Variants in NPFFR2 observed in about 807,000 individuals in gnomAD.
NPFFR2 encodes G-protein coupled receptor 74.
In NPFFR2, 15 loss-of-function variants were observed where a neutral mutation model predicts 13.1. The observed-to-expected ratio is 1.15, with a 90% confidence interval of 0.77 to 1.76. The LOEUF is 1.76. Among genes scored for constraint, NPFFR2 ranks in the 40% most tolerant of loss-of-function variants. The pLI, the probability that NPFFR2 is intolerant of heterozygous loss-of-function variation, is 0.00. For synonymous variants in NPFFR2, 190 were observed against 175.7 expected (o/e 1.08, Z -0.65); for missense variants, 572 against 503.5 (o/e 1.14, Z -1.30).
chr4:72,112,115 G>A (rs994553679), intron 1 of NPFFR2, among the ~76,000 whole-genome samples: 4 of 151,990 alleles, frequency 2.6e-5, no homozygotes, highest in Non-Finnish European at 5.9e-5. Flanking sequence ...CAGACTCAAT[G>A]ACTTTATCTA....
At chr4:72,132,001 T>C (rs1578476920) in intron 2 of NPFFR2, among the ~76,000 whole-genome samples, 1 of 152,284 alleles carries the variant, frequency 6.6e-6, no homozygotes, top group African/African-American at 2.4e-5. Flanking sequence ...AGACAAGTTT[T>C]TTTTTAATTT....
At chr4:72,061,599 A>G (rs369438109) in intron 1 of NPFFR2, among the ~76,000 whole-genome samples, 1 of 152,166 alleles carries the variant, frequency 6.6e-6, no homozygotes, top group Non-Finnish European at 1.5e-5. Context: ...TCAATATACT[A>G]TATGATAATG....
chr4:72,084,498 A>G (rs1476628742), intron 1 of NPFFR2, among the ~76,000 whole-genome samples: 1 of 152,214 alleles, frequency 6.6e-6, no homozygotes. Flanking sequence ...CAAAAATTAC[A>G]CATTTTTAAG....
chr4:72,075,998 CACACACACAGAGAGAGAGAGAG>C (rs1370039269), intron 1 of NPFFR2, among the ~76,000 whole-genome samples: 426 of 18,532 alleles, frequency 0.023, 3 homozygotes, highest in East Asian at 0.05. Flanking sequence ...CACACACACA[CACACACACAGAGAGAGAGAGAG>C]GGCAGACAGC....
chr4:72,106,403 G>T (rs1460562590), intron 1 of NPFFR2, among the ~76,000 whole-genome samples: 1 of 152,014 alleles, frequency 6.6e-6, no homozygotes, highest in African/African-American at 2.4e-5. Context: ...CTATAGTGAG[G>T]TGAATTGTCA....
intron 1 of NPFFR2, among the ~76,000 whole-genome samples, chr4:72,086,255 AG>A (rs1157989312): frequency 2.0e-5 from 3 of 152,108 alleles, no homozygotes; most frequent in African/African-American, 7.2e-5. Flanking sequence ...CCATAAAAAA[AG>A]GTTTAGATCC....
intron 1 of NPFFR2, among the ~76,000 whole-genome samples, chr4:72,099,650 A>C (rs570915693): frequency 6.6e-5 from 10 of 152,224 alleles, no homozygotes; most frequent in Admixed American, 3.9e-4. Context: ...GGAAAGCACC[A>C]AGCCATGAAG....
chr4:72,142,708 T>C (rs1036221412), intron 3 of NPFFR2, among the ~76,000 whole-genome samples: 1 of 152,244 alleles, frequency 6.6e-6, no homozygotes, highest in African/African-American at 2.4e-5. Flanking sequence ...CACTACAATA[T>C]AGACGTTTCT....
chr4:72,068,011 A>G (rs572365378), intron 1 of NPFFR2, among the ~76,000 whole-genome samples: 2 of 152,268 alleles, frequency 1.3e-5, no homozygotes, highest in East Asian at 3.9e-4. Context: ...ATTCATGGCA[A>G]TACAGGCTTT....
At chr4:72,082,481 A>G (rs1163589967) in intron 1 of NPFFR2, among the ~76,000 whole-genome samples, 1 of 151,330 alleles carries the variant, frequency 6.6e-6, no homozygotes, top group African/African-American at 2.5e-5. Context: ...ATTTTACTCA[A>G]CTTGTTTTTC....
At chr4:72,079,653 TGA>T in intron 1 of NPFFR2, among the ~76,000 whole-genome samples, 1 of 152,230 alleles carries the variant, frequency 6.6e-6, no homozygotes, top group South Asian at 2.1e-4. Context: ...AAACCAGTAC[TGA>T]GGGAATGAAA....
At chr4:72,057,425 T>G (rs533599200) in intron 1 of NPFFR2, among the ~76,000 whole-genome samples, 1 of 152,018 alleles carries the variant, frequency 6.6e-6, no homozygotes, top group South Asian at 2.1e-4. Flanking sequence ...TCTTCCTTGC[T>G]TCTTCCAGCT....
chr4:72,109,784 T>A (rs1463957272), intron 1 of NPFFR2, among the ~76,000 whole-genome samples: 1 of 151,988 alleles, frequency 6.6e-6, no homozygotes, highest in East Asian at 1.9e-4. Flanking sequence ...AAGTGAAAAG[T>A]CTTTGAACTG....
intron 1 of NPFFR2, among the ~76,000 whole-genome samples, chr4:72,086,502 CTTAA>C (rs35398703): frequency 0.026 from 3,969 of 152,020 alleles, 140 homozygotes; most frequent in African/African-American, 0.079. Context: ...AAAATTAGGT[CTTAA>C]TTAAGTAAGG....
chr4:72,141,595 T>C (rs1273553324), intron 3 of NPFFR2, among the ~76,000 whole-genome samples: 1 of 152,208 alleles, frequency 6.6e-6, no homozygotes, highest in Non-Finnish European at 1.5e-5. Context: ...AATCCTGAGT[T>C]CTAATTTGAT....
At chr4:72,069,046 G>A in intron 1 of NPFFR2, 1 of 867,056 alleles carries the variant, frequency 1.2e-6, no homozygotes, top group South Asian at 2.5e-5. Context: ...ATATTATTTT[G>A]ATCTTTTGAA....
At chr4:72,039,419 C>G (rs988385769) in intron 1 of NPFFR2, 1 of 982,660 alleles carries the variant, frequency 1.0e-6, no homozygotes, top group Non-Finnish European at 1.2e-6. Context: ...TACAGGTAAC[C>G]AATCTTAATT....
chr4:72,110,454 C>T (rs1484154533), intron 1 of NPFFR2, among the ~76,000 whole-genome samples: 1 of 151,934 alleles, frequency 6.6e-6, no homozygotes, highest in Non-Finnish European at 1.5e-5. Context: ...TGTACTTGCC[C>T]ACTTCCCAAA....
At chr4:72,073,919 A>C (rs1720342369) in intron 1 of NPFFR2, among the ~76,000 whole-genome samples, 1 of 151,998 alleles carries the variant, frequency 6.6e-6, no homozygotes, top group Admixed American at 6.6e-5. Flanking sequence ...ATTTCACTAC[A>C]AAAAAATTAG....
Sources: gnomAD v4.1 joint callset for allele counts (sites outside exome capture counted in the v4.1 genomes callset) on GRCh38, gnomAD v4.1.1 for gene constraint, MANE v1.5 for transcripts, NCBI Gene and HGNC (gene_info 2026-07-23, HGNC 2026-07-21) for gene names.